The following DCAF4 variants were observed in gnomAD, a reference collection of about 807,000 sequenced individuals.
DCAF4 encodes the protein DDB1 and CUL4 associated factor 4.
A neutral mutation model predicts 60.9 loss-of-function variants in DCAF4; 37 were observed. That is an observed-to-expected ratio of 0.61 (90% CI 0.47 to 0.80). The LOEUF (loss-of-function observed/expected upper bound fraction) is 0.80, where lower values mean the gene tolerates loss of function less well. Among genes scored for constraint, DCAF4 ranks in the 30% least tolerant of loss-of-function variants. The pLI, the probability that DCAF4 is intolerant of heterozygous loss-of-function variation, is 0.00. For missense variants in DCAF4, 577 were observed against 650.0 expected, an observed-to-expected ratio of 0.89 and a Z score of 1.22; for synonymous variants, 243 against 254.8, an observed-to-expected ratio of 0.95 and a Z score of 0.44.
chr14:72,942,028 G>A (rs976891206), intron 5 of DCAF4: 2 of 525,666 alleles, frequency 3.8e-6, no homozygotes, highest in Non-Finnish European at 3.4e-6. Context: ...GAAGGCGGGG[G>A]ACTCTTGCAG....
intron 1 of DCAF4, chr14:72,935,092 T>C (rs1389960515): frequency 1.3e-5 from 2 of 152,176 alleles, no homozygotes; most frequent in African/African-American, 4.8e-5. Context: ...AGTGCAAACA[T>C]GGACTATAAA....
intron 13 of DCAF4, chr14:72,957,356 C>T (rs1165969631): frequency 6.6e-6 from 1 of 152,226 alleles, no homozygotes; most frequent in Non-Finnish European, 1.5e-5. Flanking sequence ...GTGGCTATAG[C>T]GTAATCAGAC....
chr14:72,930,922 G>C, intron 1 of DCAF4, among the ~76,000 whole-genome samples: 1 of 152,016 alleles, frequency 6.6e-6, no homozygotes, highest in East Asian at 1.9e-4. Context: ...ACCATAGATA[G>C]GCATATGGGT....
intron 9 of DCAF4, among the ~76,000 whole-genome samples, chr14:72,953,722 A>T (rs1891758303): frequency 2.0e-5 from 1 of 50,190 alleles, no homozygotes; most frequent in Non-Finnish European, 3.4e-5. Flanking sequence ...AAAAAAAAAA[A>T]AAAAAAAAAA....
chr14:72,933,315 C>G (rs1204208080), intron 1 of DCAF4, among the ~76,000 whole-genome samples: 1 of 152,146 alleles, frequency 6.6e-6, no homozygotes, highest in Non-Finnish European at 1.5e-5. Flanking sequence ...AATCCCAGCA[C>G]TTTGGGAGGC....
At chr14:72,932,425 A>C (rs1391526442) in intron 1 of DCAF4, among the ~76,000 whole-genome samples, 3 of 152,270 alleles carry the variant, frequency 2.0e-5, no homozygotes, top group Non-Finnish European at 2.9e-5. Flanking sequence ...GAAGGAAGGC[A>C]TGTACATTTG....
chr14:72,928,910 C>T (rs1207001199), intron 1 of DCAF4, among the ~76,000 whole-genome samples: 2 of 152,168 alleles, frequency 1.3e-5, no homozygotes, highest in Non-Finnish European at 2.9e-5. Context: ...GGAGCCCCTC[C>T]CCCATTCTGA....
rs543453456 is a variant in DCAF4 at position 72,945,999 on chromosome 14, A to T, written c.650A>T (p.His217Leu). 30 of 1,614,146 alleles carry T rather than the reference A, an allele frequency of 1.9e-5. No individual in the cohort carries two copies. The South Asian group carries it at 2.5e-4, about 14-fold the overall frequency. The stretch of plus-strand genomic sequence containing the variant: ...ACCCCTACGCTCAAGGTGTTCATGC[A>T]CGAAAACCTCTACTTCACCAACCGG... The part of the protein sequence containing the change: ...LKTPTLKVFM[H>L]ENLYFTNRKV... The change falls in exon 7 of 14, where the codon CAC becomes CTC. Residue 217 changes from histidine to leucine, a missense_variant. Transcript: ENST00000358377.
chr14:72,939,678 TA>T (rs1395708739), intron 2 of DCAF4, 123 bp from the exon 3 acceptor site: 18 of 706,590 alleles, frequency 2.5e-5, no homozygotes, highest in Non-Finnish European at 1.4e-5. Flanking sequence ...GCTTCTCAAG[TA>T]ATCAGAAAGG....
chr14:72,944,234 T>C (rs913146660), intron 6 of DCAF4, among the ~76,000 whole-genome samples: 1 of 152,212 alleles, frequency 6.6e-6, no homozygotes, highest in African/African-American at 2.4e-5. Context: ...TGACTCTGGC[T>C]GGCCGGTGTG....
At chr14:72,962,045 A>G (rs1892839269), downstream of DCAF4, 2 of 1,065,036 alleles carry the variant, frequency 1.9e-6, no homozygotes, top group Admixed American at 3.9e-5. Context: ...TCTAAGACAG[A>G]TGTTTAGGTG....
rs181289730 is a variant in DCAF4, at chr14:72,956,995, G to A, written c.1294+495G>A. The A allele has an allele frequency of 1.2e-3, 198 of 171,828 alleles. 1 individual carries two copies. Among genetic ancestry groups the A allele is most frequent in the African/African-American group, 4.3e-3 (179 of 41,664 alleles). 10.6% of individuals were successfully genotyped at this position (171,828 alleles called of 1,614,324 possible). On this transcript the variant is annotated intron_variant, in intron 13 of 13. Transcript: ENST00000358377. ...TGGGAGGCCAAGGAGGGTGGATCAC[G>A]AGGTCAGGAGATTGAGACCATCCTG...
chr14:72,928,585 T>TTATATATATATATATA (rs57258334), intron 1 of DCAF4, among the ~76,000 whole-genome samples: 1 of 15,932 alleles, frequency 6.3e-5, no homozygotes, highest in African/African-American at 9.4e-5. Flanking sequence ...TAAACATCCT[T>TTATATATATATATATA]TATATATATA....
At position 72,939,680 on chromosome 14, in the gene DCAF4, A is replaced by G; in HGVS notation, c.93-122A>G. 6.9e-6 allele frequency: 5 copies of G among 722,774 alleles called. No homozygotes were observed. The South Asian group carries it at 1.1e-4, about 16-fold the overall frequency. 44.8% of individuals were successfully genotyped at this position (722,774 alleles called of 1,614,324 possible). On this transcript the variant is annotated intron_variant, in intron 2 of 13. Coordinates refer to ENST00000358377, the MANE Select transcript of DCAF4 (RefSeq NM_015604.4). ...AGAGGGGATCAGTGCTTCTCAAGTA[A>G]TCAGAAAGGTCAGAGATCAGAGGTG... is the stretch of plus-strand genomic sequence containing the variant.
chr14:72,931,281 T>TG (rs59335829), intron 1 of DCAF4, among the ~76,000 whole-genome samples: 4 of 150,966 alleles, frequency 2.6e-5, no homozygotes, highest in African/African-American at 2.4e-5. Flanking sequence ...TTTTTTTTTT[T>TG]GTAACTGAGC....
downstream of DCAF4, chr14:72,961,952 G>A (rs2243596): frequency 0.52 from 595,361 of 1,137,862 alleles, 159,192 homozygotes; most frequent in East Asian, 0.63. Flanking sequence ...GCTCTCCGTC[G>A]GAGCACGTCT....
At chr14:72,926,866 CCACCCGA>C (rs1334828610) in intron 1 of DCAF4, 1 of 152,550 alleles carries the variant, frequency 6.6e-6, no homozygotes, top group Non-Finnish European at 1.5e-5. Context: ...GCTGAAGGCC[CCACCCGA>C]CACCTGGCGG....
intron 11 of DCAF4, among the ~76,000 whole-genome samples, chr14:72,955,314 G>T (rs964035817): frequency 2.0e-5 from 3 of 152,120 alleles, no homozygotes; most frequent in Non-Finnish European, 2.9e-5. Flanking sequence ...TACCCATGAG[G>T]AGGACACATG....
intron 6 of DCAF4, among the ~76,000 whole-genome samples, chr14:72,945,468 T>C (rs1274100070): frequency 1.5e-5 from 2 of 131,784 alleles, no homozygotes; most frequent in East Asian, 2.1e-4. Flanking sequence ...TTTTTTTTCA[T>C]GGTGGTAAAA....
Sources: gnomAD v4.1 joint callset for allele counts (sites outside exome capture counted in the v4.1 genomes callset) on GRCh38, gnomAD v4.1.1 for gene constraint, MANE v1.5 for transcripts, NCBI Gene and HGNC (gene_info 2026-07-23, HGNC 2026-07-21) for gene names.